THSD4: variants seen among roughly 807,000 people sequenced by gnomAD.
THSD4 encodes the protein thrombospondin type-1 domain-containing protein 4.
In THSD4, 69 loss-of-function variants were observed where a neutral mutation model predicts 119.0. The ratio of observed to expected loss-of-function variants is 0.58; its 90% confidence interval spans 0.48 to 0.71. The LOEUF (loss-of-function observed/expected upper bound fraction) is 0.71. Ranked by LOEUF, THSD4 falls within the 30% of genes least tolerant of loss-of-function variation. The probability of loss-of-function intolerance (pLI) is 0.00; values close to 1 mark genes in which losing one functional copy is unlikely to be tolerated. For synonymous variants in THSD4, 524 were observed against 540.4 expected (o/e 0.97, Z 0.42); for missense variants, 1,393 against 1,391.1 (o/e 1.00, Z -0.02).
intron 3 of THSD4, among the ~76,000 whole-genome samples, chr15:71,180,645 T>C (rs186313752): frequency 2.0e-5 from 3 of 152,344 alleles, no homozygotes; most frequent in Admixed American, 6.5e-5. Context: ...AGAGCCATTA[T>C]ATTGACAATA....
At chr15:71,185,613 A>G (rs1289042247) in intron 3 of THSD4, 1 of 151,890 alleles carries the variant, frequency 6.6e-6, no homozygotes, top group African/African-American at 2.4e-5. Context: ...TTGTTTGAGA[A>G]TATTTCTGAG....
intron 4 of THSD4, among the ~76,000 whole-genome samples, chr15:71,228,810 G>C (rs1237238053): frequency 6.6e-6 from 1 of 152,170 alleles, no homozygotes; most frequent in Non-Finnish European, 1.5e-5. Flanking sequence ...TTATGGTTTA[G>C]CTTCCAAGCA....
At chr15:71,341,413 A>C (rs543112578) in intron 6 of THSD4, 1 of 1,612,384 alleles carries the variant, frequency 6.2e-7, no homozygotes, top group Admixed American at 1.7e-5. Flanking sequence ...GTTCAGCATT[A>C]CTCTCTGCGT....
At chr15:71,470,323 T>A (rs2047557538) in intron 7 of THSD4, among the ~76,000 whole-genome samples, 1 of 152,182 alleles carries the variant, frequency 6.6e-6, no homozygotes, top group South Asian at 2.1e-4. Context: ...ACCAATAAAA[T>A]TGAGAATTTT....
At chr15:71,686,454 A>G (rs946043990) in intron 8 of THSD4, among the ~76,000 whole-genome samples, 5 of 152,214 alleles carry the variant, frequency 3.3e-5, no homozygotes, top group Admixed American at 6.5e-5. Context: ...TGTTCCCTCC[A>G]CATAGGAGCA....
chr15:71,466,344 CAAAA>C (rs66981958), intron 7 of THSD4, among the ~76,000 whole-genome samples: 1 of 117,388 alleles, frequency 8.5e-6, no homozygotes. Flanking sequence ...GACTCCATCT[CAAAA>C]AAAAAAAAAA....
chr15:71,365,121 G>GC (rs200549436), intron 6 of THSD4, among the ~76,000 whole-genome samples: 1,683 of 142,258 alleles, frequency 0.012, 25 homozygotes, highest in Admixed American at 0.04. Flanking sequence ...TATATCCACT[G>GC]CCCCCCCCAT....
intron 8 of THSD4, among the ~76,000 whole-genome samples, chr15:71,724,287 A>ATATATTTT: frequency 0.03 from 1,108 of 37,180 alleles, 78 homozygotes; most frequent in Admixed American, 0.045. Flanking sequence ...ATATATATAT[A>ATATATTTT]TTTTTTTTTT....
chr15:71,307,043 A>G (rs1294756626), intron 6 of THSD4, among the ~76,000 whole-genome samples: 2 of 151,860 alleles, frequency 1.3e-5, no homozygotes, highest in Non-Finnish European at 1.5e-5. Context: ...CTCAAGCCAT[A>G]CTCTTGGGGA....
chr15:71,233,366 G>T (rs1294444719), intron 4 of THSD4, among the ~76,000 whole-genome samples: 4 of 152,142 alleles, frequency 2.6e-5, no homozygotes, highest in Admixed American at 2.6e-4. Flanking sequence ...GAGCCTCACT[G>T]GGTCTACTGC....
At chr15:71,560,601 C>G (rs2049097181) in intron 7 of THSD4, among the ~76,000 whole-genome samples, 1 of 152,110 alleles carries the variant, frequency 6.6e-6, no homozygotes, top group African/African-American at 2.4e-5. Flanking sequence ...TGTAAATGTT[C>G]TGTGGAAGCT....
rs1450515285 is a variant in THSD4, at chr15:71,398,197, A to C, written c.1016-13490A>C. Among the ~76,000 whole-genome samples, 9 of 152,302 alleles carry C rather than the reference A, an allele frequency of 5.9e-5. No homozygotes were observed. The South Asian group carries it at 1.2e-3, about 21-fold the overall frequency. ...GGTCAGGTAGAATTTATTTAGGCAG[A>C]GAATAGAATGTGGGACACGCCAGCC... On this transcript the variant is annotated intron_variant, in intron 6 of 17. Coordinates refer to ENST00000261862, the MANE Select transcript of THSD4 (RefSeq NM_024817.3).
intron 4 of THSD4, among the ~76,000 whole-genome samples, chr15:71,238,859 G>A (rs547106978): frequency 1.3e-5 from 2 of 152,204 alleles, no homozygotes; most frequent in South Asian, 4.1e-4. Flanking sequence ...AGTCTTTTGA[G>A]GAGCTCCGAG....
At chr15:71,442,660 G>GTGTATGTATGTATGTATA in intron 7 of THSD4, among the ~76,000 whole-genome samples, 27 of 25,794 alleles carry the variant, frequency 1.0e-3, no homozygotes, top group Non-Finnish European at 2.0e-3. Context: ...GTGTGTGTGT[G>GTGTATGTATGTATGTATA]TATATATATA....
intron 8 of THSD4, among the ~76,000 whole-genome samples, chr15:71,674,564 A>G (rs866344976): frequency 1.1e-4 from 17 of 152,148 alleles, no homozygotes; most frequent in African/African-American, 3.9e-4. Flanking sequence ...TCCCACCTGC[A>G]TGTTTAATTG....
chr15:71,102,462 T>C (rs2040257378), intron 1 of THSD4, among the ~76,000 whole-genome samples: 1 of 152,232 alleles, frequency 6.6e-6, no homozygotes, highest in Non-Finnish European at 1.5e-5. Context: ...TAATTTCTAT[T>C]GATCTATCTT....
intron 5 of THSD4, among the ~76,000 whole-genome samples, chr15:71,253,067 C>T (rs2140284666): frequency 6.6e-6 from 1 of 152,330 alleles, no homozygotes; most frequent in Admixed American, 6.5e-5. Context: ...CAGGGCCATG[C>T]CCATCCACCA....
intron 14 of THSD4, among the ~76,000 whole-genome samples, chr15:71,751,440 A>G (rs1178621113): frequency 6.6e-6 from 1 of 152,144 alleles, no homozygotes; most frequent in South Asian, 2.1e-4. Context: ...TTTTCTTCTC[A>G]TACATACTTT....
chr15:71,399,162 T>C (rs181903542), intron 6 of THSD4, among the ~76,000 whole-genome samples: 49 of 152,200 alleles, frequency 3.2e-4, no homozygotes, highest in Middle Eastern at 3.4e-3. Flanking sequence ...GACATTTCAA[T>C]CACGTGGACC....
Sources: gnomAD v4.1 joint callset for allele counts (sites outside exome capture counted in the v4.1 genomes callset) on GRCh38, gnomAD v4.1.1 for gene constraint, MANE v1.5 for transcripts, NCBI Gene and HGNC (gene_info 2026-07-23, HGNC 2026-07-21) for gene names.